LAMC1: variants seen among roughly 807,000 people sequenced by gnomAD.
LAMC1 encodes the protein laminin subunit gamma 1, also known as laminin subunit gamma-1.
A neutral mutation model predicts 173.6 loss-of-function variants in LAMC1; 38 were observed. That is an observed-to-expected ratio of 0.22 (90% CI 0.17 to 0.29). The LOEUF (loss-of-function observed/expected upper bound fraction) is 0.29, where lower values mean the gene tolerates loss of function less well. Among genes scored for constraint, LAMC1 ranks in the 10% least tolerant of loss-of-function variants. The probability of loss-of-function intolerance (pLI) is 1.00; values close to 1 mark genes in which losing one functional copy is unlikely to be tolerated. For synonymous variants in LAMC1, 746 were observed against 749.1 expected (o/e 1.00, Z 0.07); for missense variants, 1,824 against 2,051.8 (o/e 0.89, Z 2.14).
intron 1 of LAMC1, among the ~76,000 whole-genome samples, chr1:183,057,686 G>A (rs952524807): frequency 4.6e-5 from 7 of 152,032 alleles, no homozygotes; most frequent in Non-Finnish European, 7.4e-5. Flanking sequence ...GCTTGAGCCC[G>A]GGGAGGTTAC....
At chr1:183,044,091 A>G (rs1053817885) in intron 1 of LAMC1, among the ~76,000 whole-genome samples, 4 of 152,124 alleles carry the variant, frequency 2.6e-5, no homozygotes, top group African/African-American at 9.7e-5. Context: ...GTAAATGGTT[A>G]TAAATGATTG....
At position 183,115,513 on chromosome 1, in the gene LAMC1, A is replaced by G. The variant is rs1190744048; in HGVS notation, c.1211-7A>G. On this transcript the variant is annotated splice_polypyrimidine_tract_variant and splice_region_variant and intron_variant, in intron 5 of 27. Transcript: ENST00000258341. ...TTTTGTTTGACAATAGGCATTTTAC[A>G]TTTTAGGCTCTCTAAGCACACAGTG... 1.2e-6 allele frequency: 2 copies of G among 1,602,606 alleles called. No individual in the cohort carries two copies. The highest frequency in any genetic ancestry group is 2.2e-5 in the South Asian group (2 of 90,532).
intron 19 of LAMC1, 88 bp from the exon 20 acceptor site, chr1:183,131,211 C>T: frequency 2.4e-6 from 2 of 829,116 alleles, no homozygotes; most frequent in East Asian, 2.8e-5. Context: ...TTCTTTTTGC[C>T]CTCTAACAAA....
intron 13 of LAMC1, among the ~76,000 whole-genome samples, chr1:183,123,693 T>C (rs1292100215): frequency 6.6e-6 from 1 of 152,212 alleles, no homozygotes; most frequent in African/African-American, 2.4e-5. Context: ...TGCTTATCCC[T>C]ATCTGAAGTA....
In LAMC1 at chr1:183,130,369, C is replaced by T. The variant is rs1185148090; in HGVS notation, c.3306C>T (p.Arg1102=). ...VKDVDQNLMD[R]LQRVNNTLSS... ...ATGTTGACCAGAATTTGATGGATCG[C>T]CTACAGAGAGTGAATAACACTCTGT... The change falls in exon 19 of 28, where the codon CGC becomes CGT. Residue 1102 remains arginine, a synonymous_variant. Transcript: ENST00000258341. The T allele has an allele frequency of 1.2e-6, 2 of 1,614,034 alleles. No individual in the cohort carries two copies. The highest frequency in any genetic ancestry group is 2.2e-5 in the East Asian group (1 of 44,894).
chr1:183,067,674 T>G (rs1654909452), intron 1 of LAMC1, among the ~76,000 whole-genome samples: 1 of 151,864 alleles, frequency 6.6e-6, no homozygotes, highest in Non-Finnish European at 1.5e-5. Context: ...GTAGTTTTAG[T>G]AGAGATAGGG....
chr1:183,068,641 T>G (rs2102038424), intron 1 of LAMC1, among the ~76,000 whole-genome samples: 1 of 152,254 alleles, frequency 6.6e-6, no homozygotes, highest in East Asian at 1.9e-4. Context: ...TTTTTAGGTT[T>G]TTAGAAAAGT....
At chr1:183,065,530 A>G (rs916196242) in intron 1 of LAMC1, among the ~76,000 whole-genome samples, 10 of 152,174 alleles carry the variant, frequency 6.6e-5, no homozygotes, top group South Asian at 2.1e-4. Context: ...AGGCCCACCC[A>G]TATTATGGAT....
Position 183,103,640 on chromosome 1 carries a change from C to T in LAMC1, c.723+8C>T. On this transcript the variant is annotated splice_region_variant and intron_variant, in intron 2 of 27. Transcript: ENST00000258341. The stretch of plus-strand genomic sequence containing the variant: ...AATAGCCCTGTGCTGCAGGTAAATT[C>T]TCACAGGTTGGCCTGAAGCCAGCTA... 1.3e-6 allele frequency: 2 copies of T among 1,528,554 alleles called. No homozygotes were observed. The allele number at this position is 1,528,554 out of a possible 1,614,324, so 94.7% of individuals were successfully genotyped here.
At chr1:183,076,840 C>T (rs987971787) in intron 1 of LAMC1, among the ~76,000 whole-genome samples, 1 of 151,502 alleles carries the variant, frequency 6.6e-6, no homozygotes, top group Non-Finnish European at 1.5e-5. Flanking sequence ...AACATTTGTA[C>T]ACATGCAGAA....
In LAMC1 at chr1:183,134,732, G is replaced by A. The variant is rs753270961; in HGVS notation, c.3922G>A (p.Glu1308Lys). 1 of 1,612,984 alleles carries A rather than the reference G, an allele frequency of 6.2e-7. No individual in the cohort carries two copies. The highest frequency in any genetic ancestry group is 1.7e-5 in the Admixed American group (1 of 60,012). Residue 1308 changes from glutamate (E) to lysine (K), a missense_variant, in exon 23 of 28, where the codon GAG becomes AAG. Glu to Lys is a moderately conservative substitution (Grantham distance 56). Coordinates refer to ENST00000258341, the MANE Select transcript of LAMC1 (RefSeq NM_002293.4). ...GATTGACCAGAAATTAAAAGATTAT[G>A]AGGACCTCAGAGAAGATATGAGAGG... ...QLIDQKLKDYEDLREDMRGKE... is the reference protein window; with the variant it reads ...QLIDQKLKDYKDLREDMRGKE...
intron 1 of LAMC1, among the ~76,000 whole-genome samples, chr1:183,101,370 T>C (rs536485701): frequency 1.3e-5 from 2 of 151,530 alleles, no homozygotes; most frequent in Non-Finnish European, 2.9e-5. Context: ...GAGATACAGG[T>C]AAAACTTGCA....
chr1:183,027,099 T>C (rs4584360), intron 1 of LAMC1, among the ~76,000 whole-genome samples: 142,007 of 152,200 alleles, frequency 0.93, 66,405 homozygotes, highest in Middle Eastern at 0.99. Flanking sequence ...TTATTGTGCC[T>C]GTATCATCAC....
At chr1:183,036,445 C>T (rs1653986439) in intron 1 of LAMC1, among the ~76,000 whole-genome samples, 1 of 147,944 alleles carries the variant, frequency 6.8e-6, no homozygotes, top group Non-Finnish European at 1.5e-5. Context: ...CTCTGTCACC[C>T]AGGCTGGAGT....
intron 2 of LAMC1, among the ~76,000 whole-genome samples, chr1:183,106,698 A>G (rs1250277085): frequency 6.6e-6 from 1 of 152,206 alleles, no homozygotes; most frequent in East Asian, 1.9e-4. Context: ...ATGGTTTTAG[A>G]TAACTGTGAT....
intron 1 of LAMC1, among the ~76,000 whole-genome samples, chr1:183,026,799 T>C (rs1307112132): frequency 6.6e-6 from 1 of 152,224 alleles, no homozygotes; most frequent in Non-Finnish European, 1.5e-5. Context: ...AAATCATACA[T>C]AAGAAATGTA....
chr1:183,138,219 A>G (rs1464472214), intron 26 of LAMC1: 2 of 975,292 alleles, frequency 2.1e-6, no homozygotes, highest in Non-Finnish European at 1.2e-6. Flanking sequence ...AGTTTCTTGT[A>G]TATAAGAAAT....
intron 16 of LAMC1, 111 bp from the exon 17 acceptor site, chr1:183,127,115 A>AACT: frequency 1.2e-6 from 1 of 819,006 alleles, no homozygotes; most frequent in East Asian, 3.3e-5. Context: ...TTTTCAAAAA[A>AACT]ATTATGACAG....
rs141471265 is a variant in LAMC1, at chr1:183,125,449, C to G, written c.2700C>G (p.Pro900=). ...TGAAGCAGCAGAGCAGCTGTAACCC[C>G]GTGACGGGGCAGTGTGAATGTTTGC... ...GTMKQQSSCN[P]VTGQCECLPH... Residue 900 remains proline, a synonymous_variant, in exon 15 of 28, where the codon CCC becomes CCG. Transcript: ENST00000258341. The G allele has an allele frequency of 6.2e-7, 1 of 1,614,088 alleles. No individual in the cohort carries two copies. Among genetic ancestry groups the G allele is most frequent in the Non-Finnish European group, 8.5e-7 (1 of 1,179,936 alleles).
Sources: allele counts gnomAD v4.1 joint callset (sites outside exome capture counted in the v4.1 genomes callset), GRCh38; gene constraint gnomAD v4.1.1; transcripts MANE v1.5; gene names NCBI Gene and HGNC (gene_info 2026-07-23, HGNC 2026-07-21).